TANGO6: variants seen among roughly 807,000 people sequenced by gnomAD.
The protein encoded by TANGO6 is transport and golgi organization 6 homolog, also known as transport and Golgi organization protein 6 homolog.
TANGO6 carries 90 observed loss-of-function variants against 114.2 expected under a neutral mutation model. The observed-to-expected ratio is 0.79, with a 90% CI of 0.66 to 0.94. TANGO6 has a LOEUF of 0.94. Ranked by LOEUF, TANGO6 falls within the 40% of genes least tolerant of loss-of-function variation. The pLI is 0.00. For missense variants in TANGO6, 1,274 were observed against 1,315.3 expected (o/e 0.97, Z 0.49); for synonymous variants, 477 against 509.8 (o/e 0.94, Z 0.87).
chr16:68,964,342 G>GTC (rs1280248113), intron 14 of TANGO6, among the ~76,000 whole-genome samples: 1 of 151,496 alleles, frequency 6.6e-6, no homozygotes, highest in Non-Finnish European at 1.5e-5. Context: ...AAAATAGAAA[G>GTC]TCTCTCTCTC....
At chr16:69,072,098 GTAT>G (rs1960305349) in intron 17 of TANGO6, among the ~76,000 whole-genome samples, 1 of 146,022 alleles carries the variant, frequency 6.8e-6, no homozygotes, top group Non-Finnish European at 1.5e-5. Flanking sequence ...GTGTGTGTGT[GTAT>G]GTGTGAAGAG....
rs4597312 is a variant in TANGO6, at chr16:68,860,050, T to C, written c.261T>C (p.Ser87=). 0.12 allele frequency: 186,860 copies of C among 1,613,870 alleles called. 11,602 individuals carry two copies. The highest frequency in any genetic ancestry group is 0.12 in the Non-Finnish European group (146,880 of 1,179,874). Residue 87 remains serine (S), a synonymous_variant, in exon 2 of 18, where the codon TCT becomes TCC. Coordinates refer to ENST00000261778, the MANE Select transcript of TANGO6 (RefSeq NM_024562.2). The part of the protein sequence containing the change: ...IADKAEWPQN[S]VDVTWSFTSQ... ...ATAAGGCAGAATGGCCACAAAACTC[T>C]GTGGATGTCACTTGGAGTTTTACCT...
At chr16:69,048,282 T>G (rs1336566980) in intron 17 of TANGO6, among the ~76,000 whole-genome samples, 2 of 110,360 alleles carry the variant, frequency 1.8e-5, no homozygotes, top group African/African-American at 3.2e-5. Context: ...TTTTTTTTTT[T>G]GTAGAGGTGG....
At chr16:69,012,350 A>G (rs1964149433) in intron 15 of TANGO6, among the ~76,000 whole-genome samples, 1 of 152,080 alleles carries the variant, frequency 6.6e-6, no homozygotes, top group African/African-American at 2.4e-5. Flanking sequence ...TGAGGTTGGG[A>G]GTTCGAGACC....
At chr16:68,988,257 T>C (rs1406870704) in intron 15 of TANGO6, among the ~76,000 whole-genome samples, 1 of 152,252 alleles carries the variant, frequency 6.6e-6, no homozygotes, top group Non-Finnish European at 1.5e-5. Flanking sequence ...CCTCCTCATA[T>C]GACTCGACTT....
intron 4 of TANGO6, among the ~76,000 whole-genome samples, chr16:68,869,254 C>T (rs1402039817): frequency 6.6e-6 from 1 of 152,178 alleles, no homozygotes; most frequent in Non-Finnish European, 1.5e-5. Context: ...GAGGCCAAGG[C>T]AGGTGGATAG....
At chr16:69,069,208 C>T (rs984548693) in intron 17 of TANGO6, among the ~76,000 whole-genome samples, 1 of 152,192 alleles carries the variant, frequency 6.6e-6, no homozygotes, top group East Asian at 1.9e-4. Context: ...AGGCTTAATT[C>T]TGTGTGTCTG....
chr16:68,874,064 C>A (rs146670908), intron 4 of TANGO6, among the ~76,000 whole-genome samples: 5 of 152,180 alleles, frequency 3.3e-5, no homozygotes, highest in Admixed American at 6.5e-5. Context: ...GTTGTTCCCC[C>A]CTACTCCTTT....
intron 15 of TANGO6, among the ~76,000 whole-genome samples, chr16:69,014,845 A>T (rs1959260837): frequency 6.6e-6 from 1 of 150,998 alleles, no homozygotes; most frequent in Non-Finnish European, 1.5e-5. Flanking sequence ...GCAGTGAGTT[A>T]TGATTGCACC....
rs999312425 is a variant in TANGO6 at position 69,085,050 on chromosome 16, A to C, written c.*1389A>C. ...AGGAATATTTCCATTCAGCTAGTGT[A>C]GCTGGATTAATTTCTATTCTCCAAA... On this transcript the variant is annotated 3_prime_UTR_variant, in exon 18 of 18. Transcript: ENST00000261778. The C allele has an allele frequency of 6.6e-6, 1 of 152,356 alleles. No individual in the cohort carries two copies. The highest frequency in any genetic ancestry group is 1.5e-5 in the Non-Finnish European group (1 of 68,038). The allele number at this position is 152,356 out of a possible 1,614,324, so 9.4% of individuals were successfully genotyped here.
intron 8 of TANGO6, 57 bp from the exon 9 acceptor site, chr16:68,902,271 C>T (rs1192355676): frequency 3.3e-6 from 5 of 1,499,624 alleles, no homozygotes; most frequent in African/African-American, 1.4e-5. Context: ...TTTATGTTAG[C>T]TTGTTAGATG....
At chr16:68,880,443 G>A in intron 6 of TANGO6, 105 bp from the exon 7 acceptor site, 1 of 671,848 alleles carries the variant, frequency 1.5e-6, no homozygotes, top group East Asian at 2.8e-5. Flanking sequence ...GATCTTAGGT[G>A]TTACTTACTG....
chr16:69,009,582 C>T (rs1290198189), intron 15 of TANGO6, among the ~76,000 whole-genome samples: 1 of 152,174 alleles, frequency 6.6e-6, no homozygotes, highest in African/African-American at 2.4e-5. Flanking sequence ...ACAACAGCAA[C>T]AACAACAAAA....
intron 17 of TANGO6, among the ~76,000 whole-genome samples, chr16:69,047,306 C>T (rs1213424509): frequency 2.0e-5 from 3 of 152,066 alleles, no homozygotes; most frequent in African/African-American, 7.2e-5. Context: ...ACCAGCCTGG[C>T]CAACATGGCG....
Position 69,063,643 on chromosome 16 carries a change from C to CAAAAAAA in TANGO6, c.3109-19821_3109-19815dup, listed in dbSNP as rs770332921. ...AAAGGCTGCGGTGAGACTCCATCTC[C>CAAAAAAA]AAAAAAAAAAAAAAAAAAAAAAAAA... On this transcript the variant is annotated intron_variant, in intron 17 of 17. Transcript: ENST00000261778. 5.1e-3 allele frequency among the ~76,000 whole-genome samples: 183 copies of CAAAAAAA among 35,772 alleles called. 15 individuals carry two copies. The highest frequency in any genetic ancestry group is 8.4e-3 in the Non-Finnish European group (153 of 18,238). The allele number at this position is 35,772 out of a possible 152,430, so 23.5% of individuals were successfully genotyped here.
At position 68,870,937 on chromosome 16, in the gene TANGO6, C is replaced by A. The variant is rs150262723; in HGVS notation, c.994+3717C>A. On this transcript the variant is annotated intron_variant, in intron 4 of 17. Coordinates refer to ENST00000261778, the MANE Select transcript of TANGO6 (RefSeq NM_024562.2). ...CTGGGATTACAGGTGCCAGCCACCA[C>A]GCCCGGCTAATTTTTTTTTTTTTTT... 1.8e-4 allele frequency among the ~76,000 whole-genome samples: 27 copies of A among 149,210 alleles called. No individual in the cohort carries two copies. The East Asian group carries it at 5.3e-3, about 29-fold the overall frequency.
intron 2 of TANGO6, among the ~76,000 whole-genome samples, chr16:68,862,489 G>A (rs1962110689): frequency 1.3e-5 from 2 of 152,142 alleles, no homozygotes; most frequent in African/African-American, 4.8e-5. Flanking sequence ...GAGCCACCAC[G>A]CCTGGCAGGA....
rs542894801 is a variant in TANGO6 at position 69,084,248 on chromosome 16, A to G, written c.*587A>G. 1 of 152,512 alleles carries G rather than the reference A, an allele frequency of 6.6e-6. No individual in the cohort carries two copies. The highest frequency in any genetic ancestry group is 2.1e-4 in the South Asian group (1 of 4,834). The allele number at this position is 152,512 out of a possible 1,614,324, so 9.4% of individuals were successfully genotyped here. On this transcript the variant is annotated 3_prime_UTR_variant, in exon 18 of 18. Transcript: ENST00000261778. ...CTAAATCTGGTCCTCTGGTGTCGAG[A>G]TGGAAAACTGTGGAGTTGAAGAGGC...
In TANGO6 at chr16:68,843,561, G is replaced by A. The variant is rs570966742; in HGVS notation, c.-57G>A. ...CTTCTGCCACACTTAACATGGCGGC[G>A]GCGGCGCCCTGCCGAGGCGCCTGAG... On this transcript the variant is annotated 5_prime_UTR_variant, in exon 1 of 18. Transcript: ENST00000261778. 2.9e-5 allele frequency: 44 copies of A among 1,541,202 alleles called. No individual in the cohort carries two copies. Among genetic ancestry groups the A allele is most frequent in the Admixed American group, 5.3e-5 (3 of 56,100 alleles).
Sources: gnomAD v4.1 joint callset for allele counts (sites outside exome capture counted in the v4.1 genomes callset) on GRCh38, gnomAD v4.1.1 for gene constraint, MANE v1.5 for transcripts, NCBI Gene and HGNC (gene_info 2026-07-23, HGNC 2026-07-21) for gene names.